The following RALYL variants were observed in gnomAD, a reference collection of about 807,000 sequenced individuals.
RALYL encodes RALY RNA binding protein like.
Under a neutral mutation model 35.1 loss-of-function variants are expected in RALYL, and 29 were observed. That is an observed-to-expected ratio of 0.83 (90% CI 0.61 to 1.13). RALYL has a LOEUF of 1.13. Ranked by LOEUF, RALYL falls within the 50% of genes most tolerant of loss-of-function variation. The pLI is 0.00. For synonymous variants in RALYL, 120 were observed against 127.6 expected, an observed-to-expected ratio of 0.94 and a Z score of 0.40; for missense variants, 359 against 360.4, an observed-to-expected ratio of 1.00 and a Z score of 0.03.
intron 1 of RALYL, among the ~76,000 whole-genome samples, chr8:84,483,671 A>C (rs1293925593): frequency 6.6e-6 from 1 of 152,136 alleles, no homozygotes; most frequent in African/African-American, 2.4e-5. Flanking sequence ...GAGACGATTA[A>C]TTGGGAGGGC....
At chr8:84,472,970 C>A (rs375622548) in intron 1 of RALYL, among the ~76,000 whole-genome samples, 1 of 152,098 alleles carries the variant, frequency 6.6e-6, no homozygotes, top group African/African-American at 2.4e-5. Context: ...AAATTCTTAA[C>A]CTTGCTGAGC....
intron 4 of RALYL, among the ~76,000 whole-genome samples, chr8:84,834,862 T>TA (rs984033326): frequency 7.9e-5 from 12 of 152,284 alleles, no homozygotes; most frequent in African/African-American, 9.6e-5. Context: ...ACATTCGATT[T>TA]AAAAAAATAT....
chr8:84,607,512 T>G (rs577081105), intron 2 of RALYL, among the ~76,000 whole-genome samples: 1 of 152,278 alleles, frequency 6.6e-6, no homozygotes, highest in Admixed American at 6.5e-5. Context: ...AGTTTAGATA[T>G]CTGACAGTTT....
intron 1 of RALYL, among the ~76,000 whole-genome samples, chr8:84,210,419 T>C (rs1819199380): frequency 6.6e-6 from 1 of 151,894 alleles, no homozygotes. Context: ...ACAGGACCAG[T>C]AGTGCTAGTA....
intron 2 of RALYL, among the ~76,000 whole-genome samples, chr8:84,737,962 T>C (rs1003989721): frequency 1.3e-5 from 2 of 152,028 alleles, no homozygotes; most frequent in Non-Finnish European, 2.9e-5. Flanking sequence ...CAGTCCATGG[T>C]GTTTTTCTAT....
intron 1 of RALYL, chr8:84,185,072 T>C: frequency 6.4e-7 from 1 of 1,574,508 alleles, no homozygotes; most frequent in South Asian, 1.1e-5. Context: ...TTAGGGATGC[T>C]GTCTTTGGAT....
chr8:84,698,403 T>C (rs1839549283), intron 2 of RALYL, among the ~76,000 whole-genome samples: 1 of 152,078 alleles, frequency 6.6e-6, no homozygotes, highest in Non-Finnish European at 1.5e-5. Context: ...GGTGATGATG[T>C]AAAATTATAA....
intron 2 of RALYL, among the ~76,000 whole-genome samples, chr8:84,667,489 G>A (rs1832320244): frequency 6.6e-6 from 1 of 152,052 alleles, no homozygotes; most frequent in African/African-American, 2.4e-5. Context: ...AGTACAGTGG[G>A]TATAGGAAAA....
chr8:84,701,100 G>A (rs1388908089), intron 2 of RALYL, among the ~76,000 whole-genome samples: 8 of 152,122 alleles, frequency 5.3e-5, no homozygotes, highest in Non-Finnish European at 1.2e-4. Context: ...CATCAGGGGC[G>A]CTGGGTGATA....
At chr8:84,537,977 A>C (rs1421291754) in intron 2 of RALYL, among the ~76,000 whole-genome samples, 3 of 152,194 alleles carry the variant, frequency 2.0e-5, no homozygotes, top group African/African-American at 7.2e-5. Flanking sequence ...TTTCACTGTC[A>C]TCAATTAATA....
chr8:84,598,505 T>C (rs1199363517), intron 2 of RALYL, among the ~76,000 whole-genome samples: 1 of 152,194 alleles, frequency 6.6e-6, no homozygotes, highest in Non-Finnish European at 1.5e-5. Context: ...GTGTCTAAAC[T>C]GCAAGCTCTG....
chr8:84,476,397 C>A (rs2053425856), intron 1 of RALYL, among the ~76,000 whole-genome samples: 1 of 152,168 alleles, frequency 6.6e-6, no homozygotes. Context: ...TGGAAAACCT[C>A]TTTTGCTTTC....
rs1837478744 is a variant in RALYL at position 84,285,745 on chromosome 8, G to A, written c.-24+101321G>A. Among the ~76,000 whole-genome samples the A allele has an allele frequency of 2.0e-5, 3 of 152,058 alleles. No individual in the cohort carries two copies. The South Asian group carries it at 6.2e-4, about 32-fold the overall frequency. ...TGTTGGAGGAATAGAAAGGAGGTTG[G>A]TGTAACTAATGAGGAGTAAGCAAGG... On this transcript the variant is annotated intron_variant, in intron 1 of 8. Transcript: ENST00000521268.
At chr8:84,861,113 A>T (rs1177577559) in intron 5 of RALYL, among the ~76,000 whole-genome samples, 1 of 151,944 alleles carries the variant, frequency 6.6e-6, no homozygotes, top group Non-Finnish European at 1.5e-5. Context: ...TGACTTTCAT[A>T]TTAGATTGTT....
At chr8:84,516,660 T>C (rs1283263931) in intron 1 of RALYL, among the ~76,000 whole-genome samples, 1 of 152,158 alleles carries the variant, frequency 6.6e-6, no homozygotes, top group Non-Finnish European at 1.5e-5. Context: ...ACTTCACACC[T>C]TTCTCCACTT....
intron 2 of RALYL, among the ~76,000 whole-genome samples, chr8:84,753,934 C>T (rs1343247683): frequency 6.6e-6 from 1 of 152,006 alleles, no homozygotes; most frequent in African/African-American, 2.4e-5. Flanking sequence ...GCATAAATGT[C>T]TTCTTTTGAG....
intron 2 of RALYL, among the ~76,000 whole-genome samples, chr8:84,544,243 GA>G (rs2060209244): frequency 6.6e-6 from 1 of 151,630 alleles, no homozygotes; most frequent in Non-Finnish European, 1.5e-5. Context: ...ATACTTACAC[GA>G]TTCCAAAATC....
At chr8:84,272,727 T>C (rs1460817385) in intron 1 of RALYL, among the ~76,000 whole-genome samples, 1 of 152,190 alleles carries the variant, frequency 6.6e-6, no homozygotes, top group African/African-American at 2.4e-5. Flanking sequence ...GTCAAGAATG[T>C]CAGCCTGTAT....
At chr8:84,649,324 C>T (rs1304341123) in intron 2 of RALYL, among the ~76,000 whole-genome samples, 1 of 151,942 alleles carries the variant, frequency 6.6e-6, no homozygotes, top group Non-Finnish European at 1.5e-5. Context: ...GTTGCCATTG[C>T]TTTTGGTGTT....
Sources: gnomAD v4.1 joint callset for allele counts (sites outside exome capture counted in the v4.1 genomes callset) on GRCh38, gnomAD v4.1.1 for gene constraint, MANE v1.5 for transcripts, NCBI Gene and HGNC (gene_info 2026-07-23, HGNC 2026-07-21) for gene names.